The following RIC8B variants were observed in gnomAD, a reference collection of about 807,000 sequenced individuals.
RIC8B encodes the protein RIC8 guanine nucleotide exchange factor B, also known as chaperone Ric-8B.
Under a neutral mutation model 57.5 loss-of-function variants are expected in RIC8B, and 16 were observed. The ratio of observed to expected loss-of-function variants is 0.28; its 90% CI spans 0.19 to 0.42. The LOEUF is 0.42. Ranked by LOEUF, RIC8B falls within the 10% of genes least tolerant of loss-of-function variation. The pLI, the probability that RIC8B is intolerant of heterozygous loss-of-function variation, is 1.00. For missense variants in RIC8B, 481 were observed against 677.0 expected (o/e 0.71, Z 3.21); for synonymous variants, 216 against 250.8 (o/e 0.86, Z 1.31).
rs558173785 is a variant in RIC8B, at chr12:106,828,059, G to A, written c.836+2239G>A. Among the ~76,000 whole-genome samples, 68 of 152,252 alleles carry A rather than the reference G, an allele frequency of 4.5e-4. 1 individual carries two copies. The South Asian group carries it at 9.9e-3, about 22-fold the overall frequency. On this transcript the variant is annotated intron_variant, in intron 4 of 9. Coordinates refer to ENST00000392837, the MANE Select transcript of RIC8B (RefSeq NM_001330145.2). Reference sequence around the variant, plus strand: ...AAAATAAAATTTTTTTAAAGAAGTCGTATTTATTTTCCTTAGTGATGCTAG... The same window carrying A: ...AAAATAAAATTTTTTTAAAGAAGTCATATTTATTTTCCTTAGTGATGCTAG...
At chr12:106,845,199 C>G (rs1335890279) in intron 6 of RIC8B, among the ~76,000 whole-genome samples, 1 of 152,214 alleles carries the variant, frequency 6.6e-6, no homozygotes, top group African/African-American at 2.4e-5. Flanking sequence ...TCTTCCTACT[C>G]TGGGTCTCCA....
At chr12:106,855,870 T>C (rs1949699490) in intron 7 of RIC8B, among the ~76,000 whole-genome samples, 1 of 152,174 alleles carries the variant, frequency 6.6e-6, no homozygotes, top group Non-Finnish European at 1.5e-5. Flanking sequence ...TCTACTTGCT[T>C]ACTGGACCTC....
chr12:106,780,796 C>G (rs1441271494), intron 1 of RIC8B, among the ~76,000 whole-genome samples: 1 of 152,162 alleles, frequency 6.6e-6, no homozygotes, highest in East Asian at 1.9e-4. Flanking sequence ...ATTCCTAGCT[C>G]TCTAATAGGT....
Position 106,885,970 on chromosome 12 carries a change from C to G in RIC8B, c.1638C>G (p.Leu546=). ...DGTITPLEEA[L]NQYSVIEETS... is the part of the protein sequence containing the mutation. ...CAATAACGCCTTTGGAGGAAGCACT[C>G]AACCAGTACTCTGTCATCGAAGAGA... Residue 546 remains leucine, a synonymous_variant, in exon 10 of 10, where the codon CTC becomes CTG. Coordinates refer to ENST00000392837, the MANE Select transcript of RIC8B (RefSeq NM_001330145.2). 1.2e-6 allele frequency: 2 copies of G among 1,613,792 alleles called. No individual in the cohort carries two copies. Among genetic ancestry groups the G allele is most frequent in the South Asian group, 2.2e-5 (2 of 91,074 alleles).
At chr12:106,789,038 G>C (rs2044154713) in intron 2 of RIC8B, among the ~76,000 whole-genome samples, 1 of 152,172 alleles carries the variant, frequency 6.6e-6, no homozygotes, top group South Asian at 2.1e-4. Context: ...GTCACCTCTT[G>C]AATGTGTTGC....
intron 9 of RIC8B, among the ~76,000 whole-genome samples, chr12:106,877,879 A>G (rs1950739113): frequency 6.6e-6 from 1 of 152,130 alleles, no homozygotes; most frequent in South Asian, 2.1e-4. Context: ...ACGCAAGACA[A>G]TTCTTCTTCC....
rs750829600 is a variant in RIC8B, at chr12:106,814,904, T to C, written c.341T>C (p.Ile114Thr). Residue 114 changes from isoleucine to threonine, a missense_variant, in exon 3 of 10, where the codon ATT (isoleucine) becomes ACT (threonine). Ile to Thr is a moderately conservative substitution (Grantham distance 89). Around this residue, in one of 3 missense-constraint regions of RIC8B, gnomAD observed 421 missense variants for 560.9 expected, o/e 0.75. Coordinates refer to ENST00000392837, the MANE Select transcript of RIC8B (RefSeq NM_001330145.2). ...SLEKVSEFPV[I>T]VESLKCLCNI... is the part of the protein sequence containing the mutation. ...GAGAAAGTATCAGAGTTCCCAGTTA[T>C]TGTGGAGTCATTAAAATGTCTGTGT... is the stretch of plus-strand genomic sequence containing the variant. 2.5e-6 allele frequency: 4 copies of C among 1,614,168 alleles called. No individual in the cohort carries two copies. The African/African-American group carries it at 4.0e-5, about 16-fold the overall frequency.
At chr12:106,829,111 A>G (rs543791072) in intron 4 of RIC8B, among the ~76,000 whole-genome samples, 1 of 152,352 alleles carries the variant, frequency 6.6e-6, no homozygotes, top group South Asian at 2.1e-4. Flanking sequence ...TCCACTAATC[A>G]ACATTTTATA....
intron 1 of RIC8B, among the ~76,000 whole-genome samples, chr12:106,778,115 T>G (rs1214382447): frequency 6.6e-6 from 1 of 152,208 alleles, no homozygotes; most frequent in Non-Finnish European, 1.5e-5. Context: ...AACTGTTAGC[T>G]TTGAACAAAA....
chr12:106,834,205 C>T (rs1408320938), intron 4 of RIC8B, among the ~76,000 whole-genome samples: 6 of 152,146 alleles, frequency 3.9e-5, no homozygotes, highest in African/African-American at 1.4e-4. Context: ...TCCAGTTTTT[C>T]TAAAACTAGT....
chr12:106,788,948 C>T (rs1373869959), intron 2 of RIC8B, among the ~76,000 whole-genome samples: 1 of 152,228 alleles, frequency 6.6e-6, no homozygotes, highest in East Asian at 1.9e-4. Flanking sequence ...TTCTTTTCTA[C>T]TGCATTGTCA....
rs1028546292 is a variant in RIC8B, at chr12:106,831,409, CT to C, written c.836+5590del. On this transcript the variant is annotated intron_variant, in intron 4 of 9. Coordinates refer to ENST00000392837, the MANE Select transcript of RIC8B (RefSeq NM_001330145.2). ...GTCTTATGTAGAAAATCTGTTTCCC[CT>C]GGTCAGTTCCCACTTTCATCCTATG... Among the ~76,000 whole-genome samples, 4 of 152,312 alleles carry C rather than the reference CT, an allele frequency of 2.6e-5. No individual in the cohort carries two copies. In the East Asian group the frequency reaches 5.8e-4, roughly 22 times the overall value.
intron 2 of RIC8B, among the ~76,000 whole-genome samples, chr12:106,795,357 G>A (rs2044431238): frequency 6.6e-6 from 1 of 152,112 alleles, no homozygotes; most frequent in African/African-American, 2.4e-5. Context: ...TTTAGGAGCG[G>A]AGGTCTAATA....
chr12:106,774,726 G>C lies in RIC8B; in HGVS notation c.-20G>C. 2 of 1,543,280 alleles carry C rather than the reference G, an allele frequency of 1.3e-6. No homozygotes were observed. Among genetic ancestry groups the C allele is most frequent in the Non-Finnish European group, 1.8e-6 (2 of 1,142,526 alleles). Reference sequence around the variant, plus strand: ...GGCTTGGGCGCGCAGAGCGGCCGCGGCTCCCCCGCACCTGCGGCCATGGAT... The same window carrying C: ...GGCTTGGGCGCGCAGAGCGGCCGCGCCTCCCCCGCACCTGCGGCCATGGAT... On this transcript the variant is annotated 5_prime_UTR_variant, in exon 1 of 10. Coordinates refer to ENST00000392837, the MANE Select transcript of RIC8B (RefSeq NM_001330145.2).
intron 8 of RIC8B, among the ~76,000 whole-genome samples, chr12:106,864,832 C>G (rs968353040): frequency 6.6e-6 from 1 of 152,150 alleles, no homozygotes; most frequent in African/African-American, 2.4e-5. Context: ...ACATTCCCCT[C>G]CTTCTAGCTC....
At chr12:106,858,925 T>A (rs1172414116) in intron 7 of RIC8B, among the ~76,000 whole-genome samples, 1 of 152,122 alleles carries the variant, frequency 6.6e-6, no homozygotes, top group African/African-American at 2.4e-5. Flanking sequence ...TCCATGATTT[T>A]ATACTCTGAT....
intron 9 of RIC8B, among the ~76,000 whole-genome samples, chr12:106,873,717 A>T (rs553914736): frequency 6.6e-6 from 1 of 152,306 alleles, no homozygotes; most frequent in South Asian, 2.1e-4. Context: ...CTAGAATACA[A>T]GGTAGAAGGA....
intron 3 of RIC8B, among the ~76,000 whole-genome samples, chr12:106,822,025 C>T (rs1444209406): frequency 7.3e-6 from 1 of 136,766 alleles, no homozygotes; most frequent in African/African-American, 2.8e-5. Flanking sequence ...TTGCAGCGAG[C>T]CAAGATCGTG....
At chr12:106,866,011 G>A (rs1201201536) in intron 8 of RIC8B, among the ~76,000 whole-genome samples, 1 of 152,066 alleles carries the variant, frequency 6.6e-6, no homozygotes, top group Admixed American at 6.6e-5. Flanking sequence ...CTGTGCCCTT[G>A]TTAACAGTTG....
Sources: gnomAD v4.1 joint callset for allele counts (sites outside exome capture counted in the v4.1 genomes callset) on GRCh38, gnomAD v4.1.1 for gene constraint, gnomAD v4.1.1 regional missense constraint, MANE v1.5 for transcripts, NCBI Gene and HGNC (gene_info 2026-07-23, HGNC 2026-07-21) for gene names.